The following FHOD3 variants were observed in gnomAD, a reference collection of about 807,000 sequenced individuals.
FHOD3 encodes the protein formin homology 2 domain containing 3.
A neutral mutation model predicts 173.0 loss-of-function variants in FHOD3; 90 were observed. The ratio of observed to expected loss-of-function variants is 0.52; its 90% CI spans 0.44 to 0.62. FHOD3 has a LOEUF of 0.62. FHOD3 is among the 20% of genes least tolerant of loss of function. The pLI is 0.00. For synonymous variants in FHOD3, 828 were observed against 823.0 expected, an observed-to-expected ratio of 1.01 and a Z score of -0.10; for missense variants, 1,945 against 2,034.7, an observed-to-expected ratio of 0.96 and a Z score of 0.85.
intron 2 of FHOD3, among the ~76,000 whole-genome samples, chr18:36,366,932 G>A (rs565413322): frequency 2.0e-5 from 3 of 152,284 alleles, no homozygotes; most frequent in Non-Finnish European, 4.4e-5. Flanking sequence ...GGAGTACTTG[G>A]GAGCATTGAT....
chr18:36,528,143 G>T (rs745560790), intron 5 of FHOD3, among the ~76,000 whole-genome samples: 2 of 152,162 alleles, frequency 1.3e-5, no homozygotes, highest in Admixed American at 6.5e-5. Context: ...AAAGGAATCA[G>T]CTGGGGATGG....
intron 1 of FHOD3, among the ~76,000 whole-genome samples, chr18:36,320,865 C>T (rs2044358921): frequency 6.6e-6 from 1 of 152,174 alleles, no homozygotes; most frequent in South Asian, 2.1e-4. Flanking sequence ...GGAGAAATAA[C>T]ACTGAAGAAA....
chr18:36,603,740 G>A (rs537654422), intron 8 of FHOD3, among the ~76,000 whole-genome samples: 71 of 152,168 alleles, frequency 4.7e-4, no homozygotes, highest in Non-Finnish European at 8.5e-4. Flanking sequence ...TTGCCCGCAT[G>A]TGGTCCACCC....
chr18:36,465,199 G>A (rs1157274053), intron 3 of FHOD3, among the ~76,000 whole-genome samples: 1 of 152,086 alleles, frequency 6.6e-6, no homozygotes, highest in Non-Finnish European at 1.5e-5. Context: ...ATGGTGGCGG[G>A]CACCTGTAAT....
intron 14 of FHOD3, among the ~76,000 whole-genome samples, chr18:36,673,125 G>C (rs1490099035): frequency 6.6e-6 from 1 of 152,154 alleles, no homozygotes; most frequent in African/African-American, 2.4e-5. Context: ...TCATCTGTCT[G>C]TGTTGTCTTT....
chr18:36,554,149 A>G (rs907822578), intron 5 of FHOD3, among the ~76,000 whole-genome samples: 5 of 152,184 alleles, frequency 3.3e-5, no homozygotes, highest in African/African-American at 4.8e-5. Context: ...ATATACCCAA[A>G]GGACTATAAA....
intron 17 of FHOD3, among the ~76,000 whole-genome samples, chr18:36,703,694 C>G (rs1431355100): frequency 6.6e-6 from 1 of 152,092 alleles, no homozygotes; most frequent in Non-Finnish European, 1.5e-5. Flanking sequence ...ACAAAGAAAA[C>G]AAGATTGTGT....
intron 3 of FHOD3, among the ~76,000 whole-genome samples, chr18:36,498,136 T>C (rs1203916965): frequency 6.6e-6 from 1 of 152,142 alleles, no homozygotes; most frequent in African/African-American, 2.4e-5. Context: ...CCCCTCTGAA[T>C]TCAATATTAA....
At chr18:36,640,534 G>A (rs558752452) in intron 10 of FHOD3, among the ~76,000 whole-genome samples, 1 of 152,154 alleles carries the variant, frequency 6.6e-6, no homozygotes, top group Admixed American at 6.5e-5. Context: ...AGACTGGAGG[G>A]CCATGTTCTT....
chr18:36,649,643 A>G (rs2035920409), intron 11 of FHOD3, among the ~76,000 whole-genome samples: 1 of 152,310 alleles, frequency 6.6e-6, no homozygotes, highest in African/African-American at 2.4e-5. Context: ...CTTTATGGAA[A>G]AAATCACTGG....
chr18:36,625,569 GGGACC>G lies in FHOD3; in HGVS notation c.1020_1024del (p.Asp340GlufsTer57). On this transcript the variant is annotated frameshift_variant, in exon 10 of 29. Transcript: ENST00000590592. LOFTEE classifies it high-confidence loss of function. ...ACGGAGCCACCCCCCAGTGGGTGCC[GGGACC>G]GGAGGAGGGCCAGCGTGTGTTCCAG... is the stretch of plus-strand genomic sequence containing the variant. 6.5e-7 allele frequency: 1 copy of G among 1,527,728 alleles called. No individual in the cohort carries two copies. The highest frequency in any genetic ancestry group is 8.9e-7 in the Non-Finnish European group (1 of 1,128,490). The allele number at this position is 1,527,728 out of a possible 1,614,324, so 94.6% of individuals were successfully genotyped here. A position where few individuals can be genotyped will look rare whatever the true frequency, so the allele number is the denominator to read the frequency against.
At chr18:36,716,165 T>G (rs2040437597) in intron 18 of FHOD3, among the ~76,000 whole-genome samples, 3 of 152,192 alleles carry the variant, frequency 2.0e-5, no homozygotes, top group Admixed American at 6.5e-5. Flanking sequence ...ATGTGGCTGT[T>G]GGGGTAAGAA....
chr18:36,392,145 C>T (rs539482037), intron 3 of FHOD3, among the ~76,000 whole-genome samples: 5 of 152,264 alleles, frequency 3.3e-5, no homozygotes, highest in South Asian at 2.1e-4. Flanking sequence ...GATTTCTCAC[C>T]AGCTCCATTT....
In FHOD3 at chr18:36,602,743, T is replaced by C. The variant is rs774829328; in HGVS notation, c.788T>C (p.Val263Ala). The C allele has an allele frequency of 6.2e-7, 1 of 1,614,120 alleles. No individual in the cohort carries two copies. Among genetic ancestry groups the C allele is most frequent in the Non-Finnish European group, 8.5e-7 (1 of 1,179,962 alleles). The change falls in exon 8 of 29, where the codon GTT becomes GCT. Residue 263 changes from valine to alanine, a missense_variant. Coordinates refer to ENST00000590592, the MANE Select transcript of FHOD3 (RefSeq NM_001281740.3). ...GATGGAGTTGATACGGAGCTACTGG[T>C]TTATGCAATGACTTTGGTGAACAAG... is the stretch of plus-strand genomic sequence containing the variant. ...EKDGVDTELL[V>A]YAMTLVNKTL...
intron 28 of FHOD3, among the ~76,000 whole-genome samples, chr18:36,770,850 C>T (rs1381134454): frequency 2.0e-5 from 3 of 152,084 alleles, no homozygotes; most frequent in Non-Finnish European, 4.4e-5. Context: ...GGGTCCCTGC[C>T]CCTTGGATTA....
rs376017493 is a variant in FHOD3, at chr18:36,767,308, CAA to C, written c.4625-1947_4625-1946del. On this transcript the variant is annotated intron_variant, in intron 27 of 28. Coordinates refer to ENST00000590592, the MANE Select transcript of FHOD3 (RefSeq NM_001281740.3). ...TTAAAAAATAAAAGCTAAGCAAAAC[CAA>C]AAAAAAAAACTGTATCAGTAATAAC... 2.8e-5 allele frequency among the ~76,000 whole-genome samples: 4 copies of C among 144,254 alleles called. 1 individual carries two copies. The highest frequency in any genetic ancestry group is 1.0e-4 in the African/African-American group (4 of 39,840). 94.6% of individuals were successfully genotyped at this position (144,254 alleles called of 152,430 possible).
chr18:36,631,167 C>T (rs1248440391), intron 10 of FHOD3, among the ~76,000 whole-genome samples: 1 of 152,162 alleles, frequency 6.6e-6, no homozygotes, highest in East Asian at 1.9e-4. Context: ...CAGAGACCAG[C>T]ACTGGAAGCT....
intron 17 of FHOD3, among the ~76,000 whole-genome samples, chr18:36,708,735 T>G (rs1005709285): frequency 1.3e-5 from 2 of 152,220 alleles, no homozygotes; most frequent in Non-Finnish European, 2.9e-5. Context: ...AGAGGCCACC[T>G]GCATTCCCTG....
At chr18:36,740,908 C>CAGT in intron 21 of FHOD3, 70 bp downstream of exon 21, 1 of 1,445,922 alleles carries the variant, frequency 6.9e-7, no homozygotes, top group South Asian at 1.3e-5. Context: ...TTTCATTGAT[C>CAGT]AGTACTAAGG....
Sources: allele counts gnomAD v4.1 joint callset (sites outside exome capture counted in the v4.1 genomes callset), GRCh38; gene constraint gnomAD v4.1.1; transcripts MANE v1.5; gene names NCBI Gene and HGNC (gene_info 2026-07-23, HGNC 2026-07-21).